Variants in HPSE2 observed in about 807,000 individuals in gnomAD.
HPSE2 encodes heparanase 2 (inactive).
Under a neutral mutation model 60.5 loss-of-function variants are expected in HPSE2, and 38 were observed. That is an observed-to-expected ratio of 0.63 (90% CI 0.48 to 0.82). HPSE2 has a LOEUF of 0.82. HPSE2 is among the 40% of genes least tolerant of loss of function. The pLI, the probability that HPSE2 is intolerant of heterozygous loss-of-function variation, is 0.00. For synonymous variants in HPSE2, 295 were observed against 293.2 expected, an observed-to-expected ratio of 1.01 and a Z score of -0.06; for missense variants, 713 against 740.4, an observed-to-expected ratio of 0.96 and a Z score of 0.43.
chr10:99,103,683 C>T (rs1184101256), intron 3 of HPSE2, among the ~76,000 whole-genome samples: 2 of 152,146 alleles, frequency 1.3e-5, no homozygotes, highest in East Asian at 1.9e-4. Flanking sequence ...CAAGACAATC[C>T]TAAGCCAAAA....
intron 2 of HPSE2, among the ~76,000 whole-genome samples, chr10:99,219,178 T>C (rs963481153): frequency 6.6e-6 from 1 of 152,214 alleles, no homozygotes; most frequent in Non-Finnish European, 1.5e-5. Context: ...TGCATTTCAA[T>C]GGCTTTTAGA....
chr10:98,992,589 G>C (rs934706357), intron 3 of HPSE2, among the ~76,000 whole-genome samples: 2 of 152,004 alleles, frequency 1.3e-5, no homozygotes, highest in African/African-American at 2.4e-5. Flanking sequence ...CAAGGCATTG[G>C]GCTAGATCTG....
chr10:98,789,534 C>T (rs900072226), intron 3 of HPSE2, among the ~76,000 whole-genome samples: 1 of 152,182 alleles, frequency 6.6e-6, no homozygotes, highest in Non-Finnish European at 1.5e-5. Context: ...GTAAATGCTG[C>T]CTGTCAGAGT....
intron 2 of HPSE2, among the ~76,000 whole-genome samples, chr10:99,183,132 C>T (rs990799985): frequency 1.3e-5 from 2 of 151,996 alleles, no homozygotes; most frequent in Non-Finnish European, 2.9e-5. Flanking sequence ...GACTGTAGTA[C>T]AGGCAGGAGG....
intron 4 of HPSE2, among the ~76,000 whole-genome samples, chr10:98,736,055 T>C (rs1949349005): frequency 6.6e-6 from 1 of 152,142 alleles, no homozygotes; most frequent in Non-Finnish European, 1.5e-5. Flanking sequence ...CACTCAAATC[T>C]CATCTTAATT....
At position 98,939,718 on chromosome 10, in the gene HPSE2, T is replaced by C. The variant is rs184848071; in HGVS notation, c.611-195662A>G. 4.5e-3 allele frequency among the ~76,000 whole-genome samples: 640 copies of C among 143,794 alleles called. 38 individuals carry two copies. The highest frequency in any genetic ancestry group is 2.6e-3 in the South Asian group (12 of 4,696). 94.3% of individuals were successfully genotyped at this position (143,794 alleles called of 152,430 possible). On this transcript the variant is annotated intron_variant, in intron 3 of 11. Coordinates refer to ENST00000370552, the MANE Select transcript of HPSE2 (RefSeq NM_021828.5). ...GATACCCAGGAACTGAACTCAGCTC[T>C]GCACCAAGCAGACCTAATAGACATC...
intron 11 of HPSE2, among the ~76,000 whole-genome samples, chr10:98,470,883 G>C (rs576407418): frequency 4.9e-4 from 75 of 152,248 alleles, no homozygotes; most frequent in African/African-American, 1.8e-3. Context: ...ATATATTCTG[G>C]ATCTGAGAAC....
intron 3 of HPSE2, among the ~76,000 whole-genome samples, chr10:98,809,584 TA>T (rs1951120475): frequency 6.6e-6 from 1 of 152,090 alleles, no homozygotes; most frequent in South Asian, 2.1e-4. Flanking sequence ...CCCACCAAAC[TA>T]ACAGCTAACC....
At chr10:99,152,298 G>A (rs965154400) in intron 2 of HPSE2, among the ~76,000 whole-genome samples, 6 of 140,022 alleles carry the variant, frequency 4.3e-5, no homozygotes, top group Admixed American at 7.3e-5. Context: ...ACAACAGAGC[G>A]AGACTCCACC....
chr10:98,605,377 T>C (rs1440845768), intron 9 of HPSE2, among the ~76,000 whole-genome samples: 27 of 152,242 alleles, frequency 1.8e-4, no homozygotes, highest in Admixed American at 1.8e-3. Context: ...AACATTATTT[T>C]TTATGTTCTA....
intron 3 of HPSE2, among the ~76,000 whole-genome samples, chr10:99,104,861 A>G (rs1844172847): frequency 6.6e-6 from 1 of 152,054 alleles, no homozygotes; most frequent in Non-Finnish European, 1.5e-5. Flanking sequence ...GAATTGAACA[A>G]TGAGAACACA....
At chr10:98,716,065 C>T (rs1408530003) in intron 5 of HPSE2, among the ~76,000 whole-genome samples, 1 of 152,036 alleles carries the variant, frequency 6.6e-6, no homozygotes, top group Non-Finnish European at 1.5e-5. Flanking sequence ...CCTTTTGTAT[C>T]ATTTCAACAC....
chr10:98,983,718 G>A (rs1298405855), intron 3 of HPSE2, among the ~76,000 whole-genome samples: 2 of 152,220 alleles, frequency 1.3e-5, no homozygotes, highest in Admixed American at 6.5e-5. Context: ...GGAAGTGCAA[G>A]GGGTCAGGGA....
intron 3 of HPSE2, among the ~76,000 whole-genome samples, chr10:98,984,066 G>A (rs1295771399): frequency 2.6e-5 from 4 of 152,198 alleles, no homozygotes; most frequent in Non-Finnish European, 4.4e-5. Context: ...ACCTCTGGGG[G>A]CAGAGCATAG....
At chr10:98,987,756 G>A (rs1956405128) in intron 3 of HPSE2, among the ~76,000 whole-genome samples, 2 of 152,170 alleles carry the variant, frequency 1.3e-5, no homozygotes, top group Admixed American at 1.3e-4. Flanking sequence ...CATCGTCTCA[G>A]CCCAAAATCT....
intron 9 of HPSE2, among the ~76,000 whole-genome samples, chr10:98,608,494 C>T (rs1049929406): frequency 3.9e-5 from 6 of 152,212 alleles, no homozygotes; most frequent in African/African-American, 1.4e-4. Context: ...GGCAAAAGAA[C>T]TGCCTTCCTG....
chr10:98,713,953 C>T (rs1167742433), intron 5 of HPSE2, among the ~76,000 whole-genome samples: 3 of 151,380 alleles, frequency 2.0e-5, no homozygotes, highest in Admixed American at 1.3e-4. Flanking sequence ...GGTATTTCTT[C>T]TCTCCATTTC....
At chr10:98,486,538 C>G (rs1252842) in intron 10 of HPSE2, among the ~76,000 whole-genome samples, 1 of 151,658 alleles carries the variant, frequency 6.6e-6, no homozygotes, top group Non-Finnish European at 1.5e-5. Flanking sequence ...TGGGAGGAGG[C>G]GGAAGTGAGT....
intron 3 of HPSE2, among the ~76,000 whole-genome samples, chr10:99,057,229 TG>T (rs1958135394): frequency 6.6e-6 from 1 of 152,222 alleles, no homozygotes; most frequent in Non-Finnish European, 1.5e-5. Flanking sequence ...AGTTACAATA[TG>T]GGAAAAACTT....
Sources: gnomAD v4.1 joint callset for allele counts (sites outside exome capture counted in the v4.1 genomes callset) on GRCh38, gnomAD v4.1.1 for gene constraint, MANE v1.5 for transcripts, NCBI Gene and HGNC (gene_info 2026-07-23, HGNC 2026-07-21) for gene names.